The following PARP10 variants were observed in gnomAD, a reference collection of about 807,000 sequenced individuals.
The protein encoded by PARP10 is protein mono-ADP-ribosyltransferase PARP10.
PARP10 carries 56 observed loss-of-function variants against 82.4 expected under a neutral mutation model. The ratio of observed to expected loss-of-function variants is 0.68; its 90% confidence interval spans 0.55 to 0.85. The LOEUF (loss-of-function observed/expected upper bound fraction) is 0.85, where lower values mean the gene tolerates loss of function less well. Ranked by LOEUF, PARP10 falls within the 40% of genes least tolerant of loss-of-function variation. PARP10 has a pLI of 0.00. For synonymous variants in PARP10, 576 were observed against 601.1 expected, an observed-to-expected ratio of 0.96 and a Z score of 0.61; for missense variants, 1,227 against 1,379.4, an observed-to-expected ratio of 0.89 and a Z score of 1.75.
chr8:143,982,306 A>G (rs1464771844), intron 9 of PARP10, among the ~76,000 whole-genome samples: 1 of 152,046 alleles, frequency 6.6e-6, no homozygotes, highest in East Asian at 1.9e-4. Context: ...CGTCTCCACT[A>G]AAAATATTTT....
upstream of PARP10, chr8:143,989,521 A>C (rs1253310838): frequency 6.6e-6 from 1 of 152,210 alleles, no homozygotes; most frequent in Non-Finnish European, 1.5e-5. This position sits in a 1 kb window ranked among gnomAD's most constrained non-coding sequence, Gnocchi z 4.3. Context: ...ATTTACCTTG[A>C]TGTGATTATT....
rs782275714 is a variant in PARP10, at chr8:143,983,078, G to A, written c.2423-13C>T. The A allele has an allele frequency of 9.3e-6, 15 of 1,613,772 alleles. No individual in the cohort carries two copies. The highest frequency in any genetic ancestry group is 1.6e-4 in the Middle Eastern group (1 of 6,082). On this transcript the variant is annotated splice_polypyrimidine_tract_variant and intron_variant, in intron 8 of 10. Coordinates refer to ENST00000313028, the MANE Select transcript of PARP10 (RefSeq NM_032789.5). Reference sequence around the variant, plus strand: ...GTCTGCCCCGCCACTGATGCATGGGGAAAAGCGGGGGGTCAGAGCCATGCC... The same window carrying A: ...GTCTGCCCCGCCACTGATGCATGGGAAAAAGCGGGGGGTCAGAGCCATGCC...
At chr8:144,002,657 T>C (rs1834210177) in intron 1 of PARP10, among the ~76,000 whole-genome samples, 1 of 152,076 alleles carries the variant, frequency 6.6e-6, no homozygotes, top group South Asian at 2.1e-4. Flanking sequence ...GGGTAACTAC[T>C]TCAAAATAAA....
At chr8:143,979,843 C>T (rs538354030) in intron 9 of PARP10, among the ~76,000 whole-genome samples, 2 of 150,010 alleles carry the variant, frequency 1.3e-5, no homozygotes, top group Middle Eastern at 7.1e-3. Context: ...GAAACCCCGT[C>T]TCTATTAAAA....
chr8:143,993,873 C>CA (rs1834139372), upstream of PARP10, among the ~76,000 whole-genome samples: 1 of 152,236 alleles, frequency 6.6e-6, no homozygotes, highest in Non-Finnish European at 1.5e-5. Flanking sequence ...CCATGAGAAA[C>CA]ACAGGCTGGA....
At chr8:144,002,673 A>C (rs1834210251) in intron 1 of PARP10, among the ~76,000 whole-genome samples, 1 of 152,196 alleles carries the variant, frequency 6.6e-6, no homozygotes, top group Non-Finnish European at 1.5e-5. Context: ...ATAAAAATCC[A>C]CCATTGTTGG....
In PARP10 at chr8:143,986,259, G is replaced by A. The variant is rs536307547; in HGVS notation, c.3-26C>T. The A allele has an allele frequency of 1.5e-5, 24 of 1,613,620 alleles. No homozygotes were observed. In the South Asian group the frequency reaches 1.8e-4, roughly 12 times the overall value. ...CTGGGACGGGGCATCAGGTGGGTAGGGAAACAGCCCATTCCACCCCTCCTG... is the reference window on the plus strand; with the variant it reads ...CTGGGACGGGGCATCAGGTGGGTAGAGAAACAGCCCATTCCACCCCTCCTG... On this transcript the variant is annotated intron_variant, in intron 1 of 10. Transcript: ENST00000313028.
upstream of PARP10, chr8:143,991,456 G>A (rs1180204596): frequency 6.7e-7 from 1 of 1,485,842 alleles, no homozygotes; most frequent in South Asian, 1.3e-5. Context: ...CCCCAAGGGG[G>A]CTACCCACAG....
At chr8:144,000,141 C>T (rs74727411) in intron 1 of PARP10, among the ~76,000 whole-genome samples, 4,839 of 152,200 alleles carry the variant, frequency 0.032, 272 homozygotes, top group African/African-American at 0.11. Context: ...AAATTGTGCC[C>T]CCACCAAATT....
upstream of PARP10, among the ~76,000 whole-genome samples, chr8:143,994,269 G>A (rs1554751061): frequency 6.6e-6 from 1 of 152,222 alleles, no homozygotes; most frequent in African/African-American, 2.4e-5. Context: ...GGTGCCCAGA[G>A]CCAAGCTCAT....
At chr8:143,991,343 C>A, upstream of PARP10, 1 of 1,358,750 alleles carries the variant, frequency 7.4e-7, no homozygotes, top group Non-Finnish European at 1.0e-6. Context: ...ACCCTGGGGC[C>A]CCTTACCCAC....
chr8:143,977,856 A>G (rs1259581433), intron 10 of PARP10, 26 bp from the exon 11 acceptor site: 1 of 1,598,732 alleles, frequency 6.3e-7, no homozygotes, highest in East Asian at 2.3e-5. Context: ...GGGCAAGGTC[A>G]GGGTGGTCGG....
chr8:143,993,700 C>T (rs1157786645), upstream of PARP10, among the ~76,000 whole-genome samples: 1 of 152,212 alleles, frequency 6.6e-6, no homozygotes, highest in Non-Finnish European at 1.5e-5. Flanking sequence ...CACGGTATAG[C>T]CGCCTCACTC....
At position 143,977,729 on chromosome 8, in the gene PARP10, C is replaced by T. The variant is rs782715308; in HGVS notation, c.2833G>A (p.Val945Met). 2 of 1,600,860 alleles carry T rather than the reference C, an allele frequency of 1.2e-6. No individual in the cohort carries two copies. The highest frequency in any genetic ancestry group is 1.1e-5 in the South Asian group (1 of 89,330). The change falls in exon 11 of 11, where the codon GTG becomes ATG. Residue 945 changes from valine to methionine, a missense_variant. By Grantham distance (21) the Val-to-Met change is conservative. Transcript: ENST00000313028. ...TAGTCGCCAGTCAGCACCCGTGCCA[C>T]GAACACCGCCTTATGGCCATCGGCG... ...PNADGHKAVF[V>M]ARVLTGDYGQ...
At chr8:144,003,559 C>T (rs1418623677) in intron 1 of PARP10, among the ~76,000 whole-genome samples, 2 of 152,102 alleles carry the variant, frequency 1.3e-5, no homozygotes, top group Non-Finnish European at 2.9e-5. Flanking sequence ...CTATGATCAT[C>T]CTGGCTTTCT....
chr8:143,995,293 G>C (rs573385046), upstream of PARP10, among the ~76,000 whole-genome samples: 1 of 152,330 alleles, frequency 6.6e-6, no homozygotes, highest in East Asian at 1.9e-4. Context: ...CTGTGAACAG[G>C]TGAAGTGGGC....
At chr8:143,978,209 G>A in intron 9 of PARP10, 128 bp from the exon 10 acceptor site, 1 of 1,067,502 alleles carries the variant, frequency 9.4e-7, no homozygotes, top group South Asian at 1.7e-5. Context: ...AGCCCTTGCA[G>A]CCCCCATCAT....
chr8:143,983,340 A>G lies in PARP10; in HGVS notation c.2249T>C (p.Leu750Pro), dbSNP rs1554748184. ...GPWRRTLPAE[L>P]RARLERCHGV... ...ATGGCACCGCTCCAGGCGAGCACGC[A>G]GCTCTGCAGGCAGTGTGCGGCGCCA... The change falls in exon 8 of 11, where the codon CTG (leucine) becomes CCG (proline). Residue 750 changes from leucine to proline, a missense_variant. Physicochemically the swap from Leu to Pro is moderately conservative, Grantham distance 98. Transcript: ENST00000313028. The G allele has an allele frequency of 3.1e-6, 5 of 1,610,220 alleles. No homozygotes were observed. Among genetic ancestry groups the G allele is most frequent in the Non-Finnish European group, 4.2e-6 (5 of 1,179,282 alleles).
chr8:143,987,783 C>A (rs149585288), upstream of PARP10, among the ~76,000 whole-genome samples: 1 of 152,214 alleles, frequency 6.6e-6, no homozygotes, highest in African/African-American at 2.4e-5. Flanking sequence ...CTCAGCTACT[C>A]AGGAGGCTGA....
Sources: allele counts gnomAD v4.1 joint callset (sites outside exome capture counted in the v4.1 genomes callset), GRCh38; gene constraint gnomAD v4.1.1; non-coding constraint Gnocchi (gnomAD v3.1); transcripts MANE v1.5; gene names NCBI Gene and HGNC (gene_info 2026-07-23, HGNC 2026-07-21).